ERP29: variants seen among roughly 807,000 people sequenced by gnomAD.
The protein encoded by ERP29 is endoplasmic reticulum protein 29.
In ERP29, 14 loss-of-function variants were observed where a neutral mutation model predicts 21.7. The observed-to-expected ratio is 0.64, with a 90% CI of 0.43 to 1.01. The LOEUF (loss-of-function observed/expected upper bound fraction) is 1.01, where lower values mean the gene tolerates loss of function less well. ERP29 is among the 50% of genes least tolerant of loss of function. ERP29 has a pLI of 0.00. For synonymous variants in ERP29, 129 were observed against 139.1 expected (o/e 0.93, Z 0.51); for missense variants, 286 against 327.3 (o/e 0.87, Z 0.97).
chr12:112,022,190 C>G lies in ERP29; in HGVS notation c.324C>G (p.Tyr108Ter). 1 of 1,614,162 alleles carries G rather than the reference C, an allele frequency of 6.2e-7. No individual in the cohort carries two copies. The highest frequency in any genetic ancestry group is 1.7e-5 in the Admixed American group (1 of 60,026). ...TGAACATGGAGCTGAGTGAGAAATA[C>G]AAGCTGGACAAAGAGAGCTACCCAG... is the stretch of plus-strand genomic sequence containing the variant. Reference protein sequence around the residue: ...DKLNMELSEKYKLDKESYPVF... With the variant: ...DKLNMELSEK Residue 108 changes from tyrosine (Y) to a stop codon, truncating the protein, a stop_gained, in exon 3 of 3, where the codon TAC (tyrosine) becomes TAG (stop). Coordinates refer to ENST00000261735, the MANE Select transcript of ERP29 (RefSeq NM_006817.4). LOFTEE classifies it high-confidence loss of function.
intron 2 of ERP29, among the ~76,000 whole-genome samples, chr12:112,021,560 G>C (rs1365308248): frequency 9.5e-6 from 1 of 105,120 alleles, no homozygotes; most frequent in Non-Finnish European, 1.7e-5. Context: ...GTCTCACTCT[G>C]TTGCCCAAGC....
chr12:112,014,193 C>A (rs766517692), intron 1 of ERP29, among the ~76,000 whole-genome samples: 6 of 152,230 alleles, frequency 3.9e-5, no homozygotes, highest in Admixed American at 3.3e-4. Flanking sequence ...AACCACCAGG[C>A]CCGTCGGTGG....
intron 1 of ERP29, 77 bp from the exon 2 acceptor site, chr12:112,019,673 TCTTAAA>T: frequency 6.5e-7 from 1 of 1,532,548 alleles, no homozygotes. Context: ...CCACTCTATT[TCTTAAA>T]CAGGGGCCCC....
intron 2 of ERP29, 24 bp downstream of exon 2, chr12:112,019,918 G>C (rs372271511): frequency 3.7e-5 from 60 of 1,611,530 alleles, no homozygotes; most frequent in Admixed American, 1.5e-4. Context: ...CAGGACGGCT[G>C]GGGGGGCAGA....
At chr12:112,021,395 T>G (rs1198251075) in intron 2 of ERP29, among the ~76,000 whole-genome samples, 1 of 152,158 alleles carries the variant, frequency 6.6e-6, no homozygotes, top group African/African-American at 2.4e-5. Flanking sequence ...CCACCTGAAG[T>G]GGGCTTTCTT....
At chr12:112,019,506 T>G in intron 1 of ERP29, 1 of 509,290 alleles carries the variant, frequency 2.0e-6, no homozygotes, top group Non-Finnish European at 3.6e-6. Flanking sequence ...GCAGCCTTGT[T>G]TATTCTGGAC....
In ERP29 at chr12:112,022,192, A is replaced by C; in HGVS notation, c.326A>C (p.Lys109Thr). Reference protein sequence around the residue: ...KLNMELSEKYKLDKESYPVFY... With the variant: ...KLNMELSEKYTLDKESYPVFY... ...AACATGGAGCTGAGTGAGAAATACA[A>C]GCTGGACAAAGAGAGCTACCCAGTC... The change falls in exon 3 of 3, where the codon AAG becomes ACG. Residue 109 changes from lysine to threonine, a missense_variant. Lys to Thr is a moderately conservative substitution (Grantham distance 78). Transcript: ENST00000261735. 6.2e-7 allele frequency: 1 copy of C among 1,614,214 alleles called. No homozygotes were observed. The highest frequency in any genetic ancestry group is 8.5e-7 in the Non-Finnish European group (1 of 1,180,030).
intron 1 of ERP29, among the ~76,000 whole-genome samples, chr12:112,018,485 G>C (rs2078027126): frequency 6.6e-6 from 1 of 152,180 alleles, no homozygotes; most frequent in South Asian, 2.1e-4. Context: ...AAACTTGATA[G>C]GGATCACTTG....
intron 1 of ERP29, 102 bp from the exon 2 acceptor site, chr12:112,019,654 G>A: frequency 7.4e-7 from 1 of 1,347,044 alleles, no homozygotes; most frequent in Non-Finnish European, 1.1e-6. Flanking sequence ...CTCCCTTGTG[G>A]GCTTGTTTCC....
rs369530971 is a variant in ERP29 at position 112,013,488 on chromosome 12, C to T, written c.23C>T (p.Ala8Val). The change falls in exon 1 of 3, where the codon GCC becomes GTC. Residue 8 changes from alanine to valine, a missense_variant. Ala to Val is a moderately conservative substitution (Grantham distance 64). Coordinates refer to ENST00000261735, the MANE Select transcript of ERP29 (RefSeq NM_006817.4). ...GATATGGCTGCCGCTGTGCCCCGCG[C>T]CGCATTTCTCTCCCCGCTGCTTCCC... MAAAVPR[A>V]AFLSPLLPLL... is the part of the protein sequence containing the mutation. The T allele has an allele frequency of 6.2e-7, 1 of 1,613,100 alleles. No homozygotes were observed. Among genetic ancestry groups the T allele is most frequent in the Non-Finnish European group, 8.5e-7 (1 of 1,179,584 alleles).
rs190672047 is a variant in ERP29, at chr12:112,019,919, G to T, written c.283+25G>T. On this transcript the variant is annotated intron_variant, in intron 2 of 2. Transcript: ENST00000261735. ...GGTATGGACAAGTCCAGGACGGCTG[G>T]GGGGGCAGAGAGGGAGGAAGCTAGA... The T allele has an allele frequency of 7.9e-5, 128 of 1,613,276 alleles. No individual in the cohort carries two copies. The Admixed American group carries it at 1.2e-3, about 16-fold the overall frequency.
At position 112,022,349 on chromosome 12, in the gene ERP29, C is replaced by T. The variant is rs770990231; in HGVS notation, c.483C>T (p.Tyr161=). ...YLGMPGCLPV[Y]DALAGEFIRA... is the part of the protein sequence containing the mutation. ...GTATGCCTGGTTGCCTGCCTGTATA[C>T]GACGCCCTGGCCGGGGAGTTCATCA... The change falls in exon 3 of 3, where the codon TAC becomes TAT. Residue 161 remains tyrosine, a synonymous_variant. Transcript: ENST00000261735. The T allele has an allele frequency of 1.8e-5, 29 of 1,613,864 alleles. No homozygotes were observed. The highest frequency in any genetic ancestry group is 2.2e-5 in the South Asian group (2 of 91,068).
At position 112,019,807 on chromosome 12, in the gene ERP29, T is replaced by C. The variant is rs757471812; in HGVS notation, c.196T>C (p.Tyr66His). The stretch of plus-strand genomic sequence containing the variant: ...GGTGAAGTTCGACACCCAGTACCCC[T>C]ACGGTGAGAAGCAGGATGAGTTCAA... Reference protein sequence around the residue: ...VLVKFDTQYPYGEKQDEFKRL... With the variant: ...VLVKFDTQYPHGEKQDEFKRL... The change falls in exon 2 of 3, where the codon TAC becomes CAC. Residue 66 changes from tyrosine (Y) to histidine (H), a missense_variant. Physicochemically the swap from Tyr to His is moderately conservative, Grantham distance 83. Coordinates refer to ENST00000261735, the MANE Select transcript of ERP29 (RefSeq NM_006817.4). 1 of 1,613,982 alleles carries C rather than the reference T, an allele frequency of 6.2e-7. No individual in the cohort carries two copies. The highest frequency in any genetic ancestry group is 1.1e-5 in the South Asian group (1 of 91,062).
intron 1 of ERP29, 116 bp downstream of exon 1, chr12:112,013,725 C>A: frequency 8.8e-7 from 1 of 1,132,890 alleles, no homozygotes; most frequent in Non-Finnish European, 1.2e-6. Flanking sequence ...TAGCAACGGT[C>A]CCAGAGCTTC....
chr12:112,020,372 C>G (rs1326237026), intron 2 of ERP29, among the ~76,000 whole-genome samples: 1 of 152,136 alleles, frequency 6.6e-6, no homozygotes, highest in Admixed American at 6.5e-5. Flanking sequence ...TAGTCACCAG[C>G]ATTTAGTGGC....
chr12:112,019,463 A>G, intron 1 of ERP29: 1 of 426,826 alleles, frequency 2.3e-6, no homozygotes, highest in Non-Finnish European at 4.4e-6. Flanking sequence ...CCTAACTGAA[A>G]GGAACCCTGA....
At chr12:112,014,126 T>C (rs901673965) in intron 1 of ERP29, among the ~76,000 whole-genome samples, 4 of 152,200 alleles carry the variant, frequency 2.6e-5, no homozygotes, top group African/African-American at 9.6e-5. Flanking sequence ...ACATCTTGAA[T>C]AGTGCAAGCG....
chr12:112,022,613 T>C lies in ERP29; in HGVS notation c.747T>C (p.Thr249=), dbSNP rs1367379417. The part of the protein sequence containing the change: ...EELQKSLNIL[T]AFQKKGAEKE... ...TCCAGAAGAGCTTAAACATCCTGACTGCCTTCCAGAAGAAGGGGGCCGAGA... is the reference window on the plus strand; with the variant it reads ...TCCAGAAGAGCTTAAACATCCTGACCGCCTTCCAGAAGAAGGGGGCCGAGA... Residue 249 remains threonine (T), a synonymous_variant, in exon 3 of 3, where the codon ACT becomes ACC. Transcript: ENST00000261735. The C allele has an allele frequency of 6.2e-7, 1 of 1,612,638 alleles. No homozygotes were observed. The highest frequency in any genetic ancestry group is 8.5e-7 in the Non-Finnish European group (1 of 1,179,288).
intron 2 of ERP29, 111 bp from the exon 3 acceptor site, chr12:112,022,032 TTGAACCA>T: frequency 1.0e-6 from 1 of 992,282 alleles, no homozygotes; most frequent in Admixed American, 2.2e-5. Context: ...GCTCCTCACT[TTGAACCA>T]TTACACGGCC....
Sources: gnomAD v4.1 joint callset for allele counts (sites outside exome capture counted in the v4.1 genomes callset) on GRCh38, gnomAD v4.1.1 for gene constraint, MANE v1.5 for transcripts, NCBI Gene and HGNC (gene_info 2026-07-23, HGNC 2026-07-21) for gene names.